Variants in PAX7 observed in about 807,000 individuals in gnomAD.
The protein encoded by PAX7 is paired box protein Pax-7.
A neutral mutation model predicts 50.7 loss-of-function variants in PAX7; 18 were observed. The ratio of observed to expected loss-of-function variants is 0.36; its 90% CI spans 0.25 to 0.53. The LOEUF is 0.53. PAX7 is among the 20% of genes least tolerant of loss of function. The pLI, the probability that PAX7 is intolerant of heterozygous loss-of-function variation, is 0.93. For missense variants in PAX7, 644 were observed against 702.9 expected (o/e 0.92, Z 0.95); for synonymous variants, 310 against 290.4 (o/e 1.07, Z -0.69).
intron 4 of PAX7, among the ~76,000 whole-genome samples, chr1:18,652,320 C>G (rs2088446735): frequency 6.6e-6 from 1 of 151,574 alleles, no homozygotes; most frequent in African/African-American, 2.4e-5. Flanking sequence ...GTATTGAGAA[C>G]CCACTATGTG....
chr1:18,733,678 C>T (rs1040052114), intron 7 of PAX7, among the ~76,000 whole-genome samples: 2 of 152,162 alleles, frequency 1.3e-5, no homozygotes, highest in African/African-American at 2.4e-5. Context: ...ACCTAAGCTT[C>T]CCCCAGAGCA....
At chr1:18,644,229 G>T (rs564957954) in intron 4 of PAX7, among the ~76,000 whole-genome samples, 1 of 152,268 alleles carries the variant, frequency 6.6e-6, no homozygotes, top group Admixed American at 6.5e-5. Context: ...TCCTCCGACC[G>T]CCTTGCTCTC....
rs763408412 is a variant in PAX7, at chr1:18,631,591, G to C, written c.-13G>C. 1 of 1,610,032 alleles carries C rather than the reference G, an allele frequency of 6.2e-7. No homozygotes were observed. Among genetic ancestry groups the C allele is most frequent in the Non-Finnish European group, 8.5e-7 (1 of 1,178,540 alleles). The stretch of plus-strand genomic sequence containing the variant: ...TTTTGCCGACTTTGGATTCGTCCCC[G>C]GCGTGCGCAAGAATGGCGGCCCTTC... On this transcript the variant is annotated 5_prime_UTR_variant, in exon 1 of 9. Coordinates refer to ENST00000420770, the MANE Select transcript of PAX7 (RefSeq NM_001135254.2).
rs917729585 is a variant in PAX7, at chr1:18,724,110, C to T, written c.1156-11522C>T. 4.6e-5 allele frequency among the ~76,000 whole-genome samples: 7 copies of T among 152,344 alleles called. 1 individual carries two copies. The highest frequency in any genetic ancestry group is 3.4e-3 in the Middle Eastern group (1 of 294). ...GTGGGCCGGCCGGGAACCACCCAGC[C>T]GGCAAGGAGTGGCGTCAGCGGGCTC... On this transcript the variant is annotated intron_variant, in intron 7 of 8. Transcript: ENST00000420770.
chr1:18,680,439 C>A (rs9439718), intron 4 of PAX7, among the ~76,000 whole-genome samples: 8,960 of 152,264 alleles, frequency 0.059, 350 homozygotes, highest in African/African-American at 0.1. Context: ...GCCTGTCACA[C>A]ACAAGGCTGG....
intron 7 of PAX7, among the ~76,000 whole-genome samples, chr1:18,721,384 G>A (rs1331394952): frequency 6.6e-6 from 1 of 152,208 alleles, no homozygotes; most frequent in Non-Finnish European, 1.5e-5. Context: ...GGCGGTGGGT[G>A]TGCAGCGCAG....
chr1:18,691,642 C>T, intron 4 of PAX7, 112 bp from the exon 5 acceptor site: 2 of 820,850 alleles, frequency 2.4e-6, no homozygotes, highest in South Asian at 3.4e-5. Flanking sequence ...GATCGAAGTG[C>T]AGTCATGGGT....
chr1:18,634,970 G>T lies in PAX7; in HGVS notation c.322-141G>T, dbSNP rs539004358. On this transcript the variant is annotated intron_variant, in intron 2 of 8. Transcript: ENST00000420770. The surrounding 1 kb of genome is among the most constrained non-coding windows in gnomAD (Gnocchi z 4.0). Reference sequence around the variant, plus strand: ...GGAACCGGTTTCTTGAAAGGATAAAGCCAATCTCTTGGGGGATGGGGGGAC... The same window carrying T: ...GGAACCGGTTTCTTGAAAGGATAAATCCAATCTCTTGGGGGATGGGGGGAC... 1.3e-5 allele frequency: 14 copies of T among 1,083,216 alleles called. No individual in the cohort carries two copies. The highest frequency in any genetic ancestry group is 1.6e-5 in the Non-Finnish European group (12 of 772,170). 67.1% of individuals were successfully genotyped at this position (1,083,216 alleles called of 1,614,324 possible). A position where few individuals can be genotyped will look rare whatever the true frequency, so the allele number is the denominator to read the frequency against.
intron 4 of PAX7, among the ~76,000 whole-genome samples, chr1:18,658,268 G>T (rs1409885133): frequency 2.7e-5 from 4 of 150,552 alleles, no homozygotes; most frequent in African/African-American, 4.9e-5. Context: ...CCCCACAAAG[G>T]TCCTGGAGCC....
At chr1:18,723,490 C>A (rs907328350) in intron 7 of PAX7, among the ~76,000 whole-genome samples, 1 of 152,094 alleles carries the variant, frequency 6.6e-6, no homozygotes, top group Admixed American at 6.5e-5. Flanking sequence ...TCTGAGTGAC[C>A]AAGAAGGTGA....
intron 4 of PAX7, among the ~76,000 whole-genome samples, chr1:18,686,751 C>A (rs551981495): frequency 7.1e-4 from 108 of 152,274 alleles, no homozygotes; most frequent in African/African-American, 2.5e-3. Flanking sequence ...TCTTCTCACA[C>A]TGCTTTGACC....
intron 7 of PAX7, among the ~76,000 whole-genome samples, chr1:18,725,755 C>T (rs1240777701): frequency 1.3e-5 from 2 of 152,182 alleles, no homozygotes; most frequent in African/African-American, 4.8e-5. Flanking sequence ...CACCATTTAT[C>T]GAGCCATCAG....
In PAX7 at chr1:18,748,119, GA is replaced by G. The variant is rs930041778; in HGVS notation, c.*3191del. On this transcript the variant is annotated 3_prime_UTR_variant, in exon 9 of 9. Transcript: ENST00000420770. ...AGCAAACAGAGAACTAGGGGGATAA[GA>G]GAGAAGAAAAGAAGAATGGAGAGAG... 2.3e-5 allele frequency: 5 copies of G among 217,450 alleles called. No individual in the cohort carries two copies. The highest frequency in any genetic ancestry group is 9.0e-5 in the African/African-American group (4 of 44,490). The allele number at this position is 217,450 out of a possible 1,614,324, so 13.5% of individuals were successfully genotyped here.
At chr1:18,731,165 G>A (rs1050799393) in intron 7 of PAX7, among the ~76,000 whole-genome samples, 3 of 152,224 alleles carry the variant, frequency 2.0e-5, no homozygotes, top group African/African-American at 7.2e-5. Context: ...GTGGATTACT[G>A]CATCAGACCT....
chr1:18,742,160 T>C lies in PAX7; in HGVS notation c.1403-2654T>C, dbSNP rs1382392460. Among the ~76,000 whole-genome samples the C allele has an allele frequency of 1.1e-3, 154 of 141,046 alleles. 1 individual carries two copies. Among genetic ancestry groups the C allele is most frequent in the Non-Finnish European group, 1.8e-3 (119 of 64,948 alleles). The allele number at this position is 141,046 out of a possible 152,430, so 92.5% of individuals were successfully genotyped here. A position where few individuals can be genotyped will look rare whatever the true frequency, so the allele number is the denominator to read the frequency against. ...AAGAATGAGGCTTCTTTTTTTTTTTTTTTTTTTTTTTTTTTGAGACGGAGT... is the reference window on the plus strand; with the variant it reads ...AAGAATGAGGCTTCTTTTTTTTTTTCTTTTTTTTTTTTTTTGAGACGGAGT... On this transcript the variant is annotated intron_variant, in intron 8 of 8. Coordinates refer to ENST00000420770, the MANE Select transcript of PAX7 (RefSeq NM_001135254.2).
In PAX7 at chr1:18,631,248, G is replaced by A. The variant is rs1242999480; in HGVS notation, c.-356G>A. The A allele has an allele frequency of 1.6e-5, 4 of 250,390 alleles. No homozygotes were observed. In the East Asian group the frequency reaches 2.3e-4, roughly 15 times the overall value. The allele number at this position is 250,390 out of a possible 1,614,324, so 15.5% of individuals were successfully genotyped here. On this transcript the variant is annotated 5_prime_UTR_variant, in exon 1 of 9. Coordinates refer to ENST00000420770, the MANE Select transcript of PAX7 (RefSeq NM_001135254.2). ...CGCGTTCCCCCGGCCCCCCTCCGCC[G>A]CGGGGCCTGGTCTCCGGGTTCTGCC...
intron 7 of PAX7, among the ~76,000 whole-genome samples, chr1:18,732,877 GA>G (rs1409894976): frequency 3.3e-5 from 5 of 152,124 alleles, no homozygotes; most frequent in African/African-American, 1.2e-4. Context: ...GGATGGGCAG[GA>G]GGGAAGGATC....
Position 18,700,768 on chromosome 1 carries a change from C to A in PAX7, c.902C>A (p.Pro301His). The A allele has an allele frequency of 6.3e-7, 1 of 1,588,820 alleles. No homozygotes were observed. The highest frequency in any genetic ancestry group is 8.6e-7 in the Non-Finnish European group (1 of 1,168,478). ...GFPPTGMPTLPPYQLPDSTYP... is the reference protein window; with the variant it reads ...GFPPTGMPTLHPYQLPDSTYP... ...CCACCCACCGGCATGCCCACGCTGC[C>A]CCCCTACCAGCTGCCGGACTCCACC... is the stretch of plus-strand genomic sequence containing the variant. Residue 301 changes from proline to histidine, a missense_variant, in exon 6 of 9, where the codon CCC (proline) becomes CAC (histidine). Pro to His is a moderately conservative substitution (Grantham distance 77). Coordinates refer to ENST00000420770, the MANE Select transcript of PAX7 (RefSeq NM_001135254.2). This position sits in a 1 kb window ranked among gnomAD's most constrained non-coding sequence, Gnocchi z 4.8.
rs993331368 is a variant in PAX7, at chr1:18,726,773, G to A, written c.1156-8859G>A. Reference sequence around the variant, plus strand: ...TGCAGTTTCACAAATTATCCCCTCTGCTTTCCTCTTCACTCAGACAGAGCC... The same window carrying A: ...TGCAGTTTCACAAATTATCCCCTCTACTTTCCTCTTCACTCAGACAGAGCC... On this transcript the variant is annotated intron_variant, in intron 7 of 8. Coordinates refer to ENST00000420770, the MANE Select transcript of PAX7 (RefSeq NM_001135254.2). The surrounding 1 kb of genome is among the most constrained non-coding windows in gnomAD (Gnocchi z 4.8). Among the ~76,000 whole-genome samples the A allele has an allele frequency of 1.3e-5, 2 of 152,174 alleles. No individual in the cohort carries two copies. The highest frequency in any genetic ancestry group is 2.9e-5 in the Non-Finnish European group (2 of 68,028).
Sources: allele counts gnomAD v4.1 joint callset (sites outside exome capture counted in the v4.1 genomes callset), GRCh38; gene constraint gnomAD v4.1.1; non-coding constraint Gnocchi (gnomAD v3.1); transcripts MANE v1.5; gene names NCBI Gene and HGNC (gene_info 2026-07-23, HGNC 2026-07-21).